Variants in DDX31 observed in about 807,000 individuals in gnomAD.
DDX31 encodes the protein DEAD-box helicase 31, also known as ATP-dependent DNA helicase DDX31.
A neutral mutation model predicts 91.3 loss-of-function variants in DDX31; 70 were observed. That is an observed-to-expected ratio of 0.77 (90% CI 0.63 to 0.94). DDX31 has a LOEUF of 0.94. DDX31 is among the 40% of genes least tolerant of loss of function. The pLI is 0.00. For missense variants in DDX31, 902 were observed against 925.0 expected, an observed-to-expected ratio of 0.98 and a Z score of 0.32; for synonymous variants, 362 against 350.6, an observed-to-expected ratio of 1.03 and a Z score of -0.36.
chr9:132,626,402 C>T (rs1457362197), intron 16 of DDX31, among the ~76,000 whole-genome samples: 1 of 152,212 alleles, frequency 6.6e-6, no homozygotes, highest in Non-Finnish European at 1.5e-5. Flanking sequence ...GGAGCCAGAA[C>T]ACAACAGTCA....
At chr9:132,669,456 G>C (rs868023418) in intron 1 of DDX31, 12 of 589,778 alleles carry the variant, frequency 2.0e-5, no homozygotes, top group Non-Finnish European at 3.1e-5. Context: ...TCCCAGACAG[G>C]AATGTGGGCA....
intron 18 of DDX31, among the ~76,000 whole-genome samples, chr9:132,614,779 GA>G (rs1159575568): frequency 6.6e-6 from 1 of 152,128 alleles, no homozygotes; most frequent in Non-Finnish European, 1.5e-5. Context: ...GATGTGGCAG[GA>G]AGTGTTTTCT....
intron 19 of DDX31, among the ~76,000 whole-genome samples, chr9:132,609,358 T>A (rs1831197515): frequency 6.6e-6 from 1 of 152,208 alleles, no homozygotes; most frequent in Non-Finnish European, 1.5e-5. Flanking sequence ...GGTGCCCATC[T>A]GCTAGCGAGG....
chr9:132,644,256 T>G (rs1833677565), intron 13 of DDX31, among the ~76,000 whole-genome samples: 2 of 152,210 alleles, frequency 1.3e-5, no homozygotes, highest in African/African-American at 2.4e-5. Flanking sequence ...AAAAAACAAC[T>G]TTTAAACTAT....
chr9:132,659,827 T>C, intron 4 of DDX31, 47 bp from the exon 5 acceptor site: 1 of 1,585,142 alleles, frequency 6.3e-7, no homozygotes, highest in Non-Finnish European at 8.6e-7. Context: ...ATTACCCAGT[T>C]ACTGGCAGAG....
chr9:132,667,316 A>T (rs907884551), intron 1 of DDX31, among the ~76,000 whole-genome samples: 3 of 152,018 alleles, frequency 2.0e-5, no homozygotes, highest in Non-Finnish European at 4.4e-5. Flanking sequence ...ATGAAAATGT[A>T]GATCTAGGCC....
In DDX31 at chr9:132,650,266, C is replaced by T. The variant is rs764690988; in HGVS notation, c.708G>A (p.Met236Ile). 7 of 1,614,056 alleles carry T rather than the reference C, an allele frequency of 4.3e-6. No individual in the cohort carries two copies. Among genetic ancestry groups the T allele is most frequent in the Non-Finnish European group, 5.9e-6 (7 of 1,180,016 alleles). ...PFTWIVPGVL[M>I]GGEKRKSEKA... is the part of the protein sequence containing the mutation. ...TTTCTGATTTTCTCTTCTCTCCTCC[C>T]ATTAACACTCCAGGCACAATCCAGG... is the stretch of plus-strand genomic sequence containing the variant. The change falls in exon 9 of 20, where the codon ATG (methionine) becomes ATA (isoleucine). Residue 236 changes from methionine to isoleucine, a missense_variant. Physicochemically the swap from Met to Ile is conservative, Grantham distance 10. Coordinates refer to ENST00000372159, the MANE Select transcript of DDX31 (RefSeq NM_022779.9).
chr9:132,651,531 T>C (rs1452000034), intron 7 of DDX31, among the ~76,000 whole-genome samples: 1 of 152,174 alleles, frequency 6.6e-6, no homozygotes, highest in East Asian at 1.9e-4. Flanking sequence ...CAGGGTAGCC[T>C]CTGGGAACTT....
intron 11 of DDX31, among the ~76,000 whole-genome samples, chr9:132,647,885 G>A (rs1833933358): frequency 1.3e-5 from 2 of 152,108 alleles, no homozygotes; most frequent in African/African-American, 4.8e-5. Context: ...CTCTCCATGG[G>A]TTGCAAGTGC....
intron 6 of DDX31, among the ~76,000 whole-genome samples, chr9:132,655,546 T>C (rs1200972548): frequency 6.6e-6 from 1 of 152,242 alleles, no homozygotes; most frequent in African/African-American, 2.4e-5. Context: ...CACCATGGCA[T>C]CTTGAGAAGC....
chr9:132,650,963 G>T, intron 8 of DDX31, 112 bp downstream of exon 8: 2 of 1,134,212 alleles, frequency 1.8e-6, no homozygotes, highest in Non-Finnish European at 2.6e-6. Flanking sequence ...GAGATATCCA[G>T]GCAAAAGGAA....
chr9:132,649,658 A>G (rs1834059999), intron 9 of DDX31, among the ~76,000 whole-genome samples: 1 of 152,218 alleles, frequency 6.6e-6, no homozygotes, highest in Non-Finnish European at 1.5e-5. Context: ...TTCAGGTTTC[A>G]TATTTACTCC....
At chr9:132,618,548 G>A in intron 17 of DDX31, 107 bp from the exon 18 acceptor site, 1 of 802,340 alleles carries the variant, frequency 1.2e-6, no homozygotes, top group South Asian at 2.1e-5. Flanking sequence ...TAACCACCTA[G>A]GGCCAACAAG....
chr9:132,640,585 C>A (rs1051364888), intron 14 of DDX31, among the ~76,000 whole-genome samples: 95 of 152,212 alleles, frequency 6.2e-4, no homozygotes, highest in Admixed American at 6.1e-3. Flanking sequence ...TAGCCTCGAC[C>A]TTCTGGGCTC....
intron 6 of DDX31, chr9:132,658,146 T>C (rs1834689701): frequency 5.0e-6 from 3 of 600,184 alleles, no homozygotes; most frequent in Non-Finnish European, 8.9e-6. Flanking sequence ...CGTTAGGTAC[T>C]GTGGAAGACA....
intron 18 of DDX31, among the ~76,000 whole-genome samples, chr9:132,617,457 A>G (rs1156378410): frequency 1.3e-5 from 2 of 152,028 alleles, no homozygotes; most frequent in African/African-American, 2.4e-5. Context: ...TTGATCTCGC[A>G]TGCATTCCAA....
chr9:132,635,485 A>T (rs1306570419), intron 14 of DDX31, among the ~76,000 whole-genome samples: 1 of 109,318 alleles, frequency 9.1e-6, no homozygotes. Context: ...TTTGAGATGG[A>T]GTCTCGCTCT....
At chr9:132,605,628 GCCA>G (rs1230412576) in intron 19 of DDX31, among the ~76,000 whole-genome samples, 1 of 152,198 alleles carries the variant, frequency 6.6e-6, no homozygotes, top group African/African-American at 2.4e-5. Flanking sequence ...ATGCAAAGCT[GCCA>G]CCACAACAGA....
At chr9:132,638,817 A>G (rs1833292868) in intron 14 of DDX31, among the ~76,000 whole-genome samples, 2 of 152,230 alleles carry the variant, frequency 1.3e-5, no homozygotes, top group Admixed American at 1.3e-4. Context: ...TTAACCATGA[A>G]GGAAACAGCG....
Sources: allele counts gnomAD v4.1 joint callset (sites outside exome capture counted in the v4.1 genomes callset), GRCh38; gene constraint gnomAD v4.1.1; transcripts MANE v1.5; gene names NCBI Gene and HGNC (gene_info 2026-07-23, HGNC 2026-07-21).